The following CNTN6 variants were observed in gnomAD, a reference collection of about 807,000 sequenced individuals.
CNTN6 encodes contactin-6.
Under a neutral mutation model 122.8 loss-of-function variants are expected in CNTN6, and 137 were observed. The observed-to-expected ratio is 1.12, with a 90% CI of 0.97 to 1.29. CNTN6 has a LOEUF of 1.29. CNTN6 is among the 50% of genes most tolerant of loss of function. The pLI, the probability that CNTN6 is intolerant of heterozygous loss-of-function variation, is 0.00. For missense variants in CNTN6, 1,634 were observed against 1,223.4 expected, an observed-to-expected ratio of 1.34 and a Z score of -5.01; for synonymous variants, 570 against 426.0, an observed-to-expected ratio of 1.34 and a Z score of -4.16.
At chr3:1,158,742 T>TTA (rs145295154) in intron 2 of CNTN6, among the ~76,000 whole-genome samples, 4,297 of 138,888 alleles carry the variant, frequency 0.031, 105 homozygotes, top group Non-Finnish European at 0.045. Context: ...CTGGCTAATT[T>TTA]TATATATATA....
rs1242186303 is a variant in CNTN6 at position 1,220,807 on chromosome 3, A to G, written c.176A>G (p.His59Arg). 1 of 1,599,070 alleles carries G rather than the reference A, an allele frequency of 6.3e-7. No individual in the cohort carries two copies. Among genetic ancestry groups the G allele is most frequent in the Non-Finnish European group, 8.5e-7 (1 of 1,174,408 alleles). Residue 59 changes from histidine to arginine, a missense_variant, in exon 3 of 23, where the codon CAT becomes CGT. Transcript: ENST00000446702. ...NCAANGYPSP[H>R]YRWKQNGTDI... Reference sequence around the variant, plus strand: ...GCTGCTAATGGTTACCCTTCGCCTCATTATAGGTAAAATCCTACCTGTGGG... The same window carrying G: ...GCTGCTAATGGTTACCCTTCGCCTCGTTATAGGTAAAATCCTACCTGTGGG...
chr3:1,143,672 C>T (rs1314131708), intron 1 of CNTN6, among the ~76,000 whole-genome samples: 1 of 152,176 alleles, frequency 6.6e-6, no homozygotes, highest in Non-Finnish European at 1.5e-5. Flanking sequence ...TTTAAACTTT[C>T]ACAAATGAAA....
chr3:1,370,852 A>G (rs999757388), intron 12 of CNTN6, among the ~76,000 whole-genome samples: 2 of 151,382 alleles, frequency 1.3e-5, no homozygotes, highest in African/African-American at 4.8e-5. Flanking sequence ...CATCTCAAAA[A>G]TAATAATAAC....
At chr3:1,146,193 G>A (rs542772200) in intron 1 of CNTN6, among the ~76,000 whole-genome samples, 4 of 152,164 alleles carry the variant, frequency 2.6e-5, no homozygotes, top group Admixed American at 2.0e-4. Context: ...TCTCAATTAT[G>A]ATCTGAAAGT....
Position 1,385,631 on chromosome 3 carries a change from C to G in CNTN6, c.2538C>G (p.Asp846Glu), listed in dbSNP as rs1440078328. Reference protein sequence around the residue: ...LGYEVLYWTDDSKESMIGKIR... With the variant: ...LGYEVLYWTDESKESMIGKIR... Reference sequence around the variant, plus strand: ...ATCAGGTCTTATACTGGACAGATGACTCCAAAGAATCCATGATAGGTAAAA... The same window carrying G: ...ATCAGGTCTTATACTGGACAGATGAGTCCAAAGAATCCATGATAGGTAAAA... Residue 846 changes from aspartate to glutamate, a missense_variant, in exon 20 of 23, where the codon GAC becomes GAG. Asp to Glu is a conservative substitution (Grantham distance 45, BLOSUM62 2). Coordinates refer to ENST00000446702, the MANE Select transcript of CNTN6 (RefSeq NM_001289080.2). 3.1e-6 allele frequency: 5 copies of G among 1,613,620 alleles called. No homozygotes were observed. The highest frequency in any genetic ancestry group is 3.4e-6 in the Non-Finnish European group (4 of 1,179,766).
chr3:1,235,417 G>A (rs1272432392), intron 4 of CNTN6, among the ~76,000 whole-genome samples: 1 of 150,982 alleles, frequency 6.6e-6, no homozygotes, highest in Non-Finnish European at 1.5e-5. Context: ...TTGCATTAAA[G>A]GATCAAATAT....
chr3:1,376,256 G>C (rs960477802), intron 16 of CNTN6, among the ~76,000 whole-genome samples: 6 of 152,034 alleles, frequency 3.9e-5, no homozygotes, highest in African/African-American at 1.4e-4. Context: ...CATTTCCTCA[G>C]TTTTACAGTT....
In CNTN6 at chr3:1,325,815, C is replaced by G. The variant is rs1701455960; in HGVS notation, c.947C>G (p.Ala316Gly). 1.2e-6 allele frequency: 2 copies of G among 1,608,166 alleles called. No individual in the cohort carries two copies. The highest frequency in any genetic ancestry group is 2.7e-5 in the African/African-American group (2 of 74,450). Residue 316 changes from alanine to glycine, a missense_variant and splice_region_variant, in exon 9 of 23, where the codon GCT becomes GGT. Ala to Gly is a moderately conservative substitution (Grantham distance 60). Transcript: ENST00000446702. ...NLAKGQLIFY[A>G]PPEWEQKIQN... is the part of the protein sequence containing the mutation. Reference sequence around the variant, plus strand: ...AGTGGCACTTGCCTTTTTGAAACAGCTCCTCCAGAATGGGAACAGAAAATC... The same window carrying G: ...AGTGGCACTTGCCTTTTTGAAACAGGTCCTCCAGAATGGGAACAGAAAATC...
At chr3:1,331,314 C>A (rs937177166) in intron 11 of CNTN6, among the ~76,000 whole-genome samples, 1 of 151,756 alleles carries the variant, frequency 6.6e-6, no homozygotes, top group African/African-American at 2.4e-5. Flanking sequence ...GGCACAGAAC[C>A]AAAACTTAAT....
rs756652176 is a variant in CNTN6, at chr3:1,377,029, T to TGTTGTGGCA, written c.2120_2121insGTTGTGGCA (p.Ile707delinsMetLeuTrpHis). 3.7e-6 allele frequency: 6 copies of TGTTGTGGCA among 1,607,358 alleles called. No homozygotes were observed. Among genetic ancestry groups the TGTTGTGGCA allele is most frequent in the Non-Finnish European group, 5.1e-6 (6 of 1,176,540 alleles). ...GTCCCTGTTGTGGCACCAGTAAACA[T>TGTTGTGGCA]CCATGGAGGTGGAGGAAGTCGGTCT... is the stretch of plus-strand genomic sequence containing the variant. On this transcript the variant is annotated protein_altering_variant, in exon 17 of 23. Transcript: ENST00000446702.
At chr3:1,267,670 C>T (rs1421646233) in intron 4 of CNTN6, among the ~76,000 whole-genome samples, 2 of 152,006 alleles carry the variant, frequency 1.3e-5, no homozygotes, top group East Asian at 1.9e-4. Flanking sequence ...AATCCATTTA[C>T]GGTCCAAGTT....
chr3:1,231,670 G>A (rs1403812940), intron 4 of CNTN6, among the ~76,000 whole-genome samples: 1 of 152,190 alleles, frequency 6.6e-6, no homozygotes, highest in Non-Finnish European at 1.5e-5. Flanking sequence ...ACTTAGACAA[G>A]TCATTCAGTT....
chr3:1,122,380 G>GAGGA (rs1349968800), intron 1 of CNTN6, among the ~76,000 whole-genome samples: 20 of 148,936 alleles, frequency 1.3e-4, no homozygotes, highest in African/African-American at 4.8e-4. Context: ...GGAAGGAAGG[G>GAGGA]AGGAATGAAG....
At chr3:1,128,467 C>G (rs1486589727) in intron 1 of CNTN6, 2 of 152,012 alleles carry the variant, frequency 1.3e-5, no homozygotes, top group Non-Finnish European at 2.9e-5. Context: ...ACTGCCTCCC[C>G]ACTCCACAAT....
At chr3:1,326,025 T>A in intron 9 of CNTN6, 74 bp downstream of exon 9, 1 of 1,284,930 alleles carries the variant, frequency 7.8e-7, no homozygotes, top group Admixed American at 2.2e-5. Context: ...TACTAGTAAC[T>A]AACAGAAACA....
intron 2 of CNTN6, among the ~76,000 whole-genome samples, chr3:1,164,599 G>C (rs2125261395): frequency 6.6e-6 from 1 of 152,332 alleles, no homozygotes; most frequent in Non-Finnish European, 1.5e-5. Flanking sequence ...AGGCTTTGGA[G>C]GGGCTATAGT....
intron 11 of CNTN6, among the ~76,000 whole-genome samples, chr3:1,342,431 C>G (rs1575780756): frequency 6.6e-6 from 1 of 152,128 alleles, no homozygotes; most frequent in Non-Finnish European, 1.5e-5. Flanking sequence ...CCTGGCCTGT[C>G]TGTTTCTTTT....
intron 4 of CNTN6, among the ~76,000 whole-genome samples, chr3:1,229,307 A>C (rs6791443): frequency 0.14 from 21,207 of 152,192 alleles, 2,380 homozygotes; most frequent in African/African-American, 0.3. Flanking sequence ...GAATTGTTCC[A>C]GACTTTGAAC....
intron 7 of CNTN6, among the ~76,000 whole-genome samples, chr3:1,305,666 CT>C (rs148058240): frequency 0.035 from 5,251 of 152,008 alleles, 329 homozygotes; most frequent in African/African-American, 0.12. Context: ...ACATATTTTC[CT>C]TTTTTTAAAA....
Sources: allele counts gnomAD v4.1 joint callset (sites outside exome capture counted in the v4.1 genomes callset), GRCh38; gene constraint gnomAD v4.1.1; transcripts MANE v1.5; gene names NCBI Gene and HGNC (gene_info 2026-07-23, HGNC 2026-07-21).